MYLK2: variants seen among roughly 807,000 people sequenced by gnomAD.
MYLK2 encodes myosin light chain kinase 2, skeletal/cardiac muscle.
In MYLK2, 27 loss-of-function variants were observed where a neutral mutation model predicts 58.2. That is an observed-to-expected ratio of 0.46 (90% CI 0.34 to 0.64). The LOEUF (loss-of-function observed/expected upper bound fraction) is 0.64. MYLK2 is among the 30% of genes least tolerant of loss of function. MYLK2 has a pLI of 0.01. For synonymous variants in MYLK2, 310 were observed against 296.7 expected (o/e 1.04, Z -0.46); for missense variants, 676 against 764.3 (o/e 0.88, Z 1.36).
Position 31,831,110 on chromosome 20 carries a change from A to G in MYLK2, c.1393A>G (p.Met465Val). Residue 465 changes from methionine (M) to valine (V), a missense_variant, in exon 10 of 13, where the codon ATG becomes GTG. Around this residue, in one of 2 missense-constraint regions of MYLK2, gnomAD observed 370 missense variants for 467.8 expected, o/e 0.79. Coordinates refer to ENST00000375985, the MANE Select transcript of MYLK2 (RefSeq NM_033118.4). ...NYDQISDKTD[M>V]WSMGVITYML... is the part of the protein sequence containing the mutation. ...TGACCAAATCTCCGATAAGACAGAC[A>G]TGTGGAGTATGGGGGTGATCACCTA... The G allele has an allele frequency of 4.3e-6, 7 of 1,614,014 alleles. No homozygotes were observed. Among genetic ancestry groups the G allele is most frequent in the South Asian group, 1.1e-5 (1 of 91,072 alleles).
At chr20:31,825,705 G>A (rs1197346900) in intron 6 of MYLK2, among the ~76,000 whole-genome samples, 8 of 152,084 alleles carry the variant, frequency 5.3e-5, no homozygotes. Context: ...CTGAATGAAG[G>A]GGTGGGTAAA....
At chr20:31,829,615 G>A (rs1216453654) in intron 8 of MYLK2, among the ~76,000 whole-genome samples, 1 of 152,212 alleles carries the variant, frequency 6.6e-6, no homozygotes, top group East Asian at 1.9e-4. Context: ...ATCAGGGGGT[G>A]GTGGCGACCA....
At chr20:31,828,380 A>G in intron 8 of MYLK2, 6 of 985,394 alleles carry the variant, frequency 6.1e-6, no homozygotes, top group Non-Finnish European at 7.2e-6. Context: ...GTGAGCACCC[A>G]TCAGCAAAGT....
chr20:31,828,749 G>A (rs991295350), intron 8 of MYLK2: 20 of 983,234 alleles, frequency 2.0e-5, no homozygotes, highest in Non-Finnish European at 2.4e-5. Flanking sequence ...CTGAGTGAGG[G>A]TGCCATCTTC....
Position 31,821,444 on chromosome 20 carries a change from A to G in MYLK2, c.479A>G (p.Glu160Gly), listed in dbSNP as rs771585721. 2 of 1,613,410 alleles carry G rather than the reference A, an allele frequency of 1.2e-6. No homozygotes were observed. The highest frequency in any genetic ancestry group is 2.2e-5 in the South Asian group (2 of 91,074). ...TCTGTGTTCTCACCTTCTAGTTCTG[A>G]GAAGCTGCTGGCCAAGAAGCCCCCA... ...PSCPAIISSS[E>G]KLLAKKPPSE... The change falls in exon 4 of 13, where the codon GAG becomes GGG. Residue 160 changes from glutamate to glycine, a missense_variant. Physicochemically the swap from Glu to Gly is moderately conservative, Grantham distance 98. This residue lies in a region of MYLK2 where 306 missense variants were observed against 296.5 expected (regional missense o/e 1.03). Transcript: ENST00000375985.
chr20:31,824,796 G>C (rs1306538027), intron 6 of MYLK2, among the ~76,000 whole-genome samples: 4 of 152,218 alleles, frequency 2.6e-5, no homozygotes, highest in Non-Finnish European at 5.9e-5. Flanking sequence ...GAGGCCACGA[G>C]CAGTGTTTGT....
At position 31,820,131 on chromosome 20, in the gene MYLK2, G is replaced by C. The variant is rs1162572034; in HGVS notation, c.58G>C (p.Ala20Pro). The change falls in exon 3 of 13, where the codon GCA becomes CCA. Residue 20 changes from alanine to proline, a missense_variant. Transcript: ENST00000375985. ...LGIQNPSTDK[A>P]PKGPTGERPL... is the part of the protein sequence containing the mutation. The stretch of plus-strand genomic sequence containing the variant: ...GTGTCTCACCTCCTCTGCAGACAAG[G>C]CACCTAAAGGTCCCACAGGTGAAAG... The C allele has an allele frequency of 6.2e-7, 1 of 1,613,620 alleles. No individual in the cohort carries two copies. The highest frequency in any genetic ancestry group is 8.5e-7 in the Non-Finnish European group (1 of 1,180,024).
intron 10 of MYLK2, 111 bp from the exon 11 acceptor site, chr20:31,831,592 T>C: frequency 7.6e-7 from 1 of 1,318,980 alleles, no homozygotes; most frequent in South Asian, 1.2e-5. Context: ...CTGGGGGTCT[T>C]TTCAGCACAC....
rs903685181 is a variant in MYLK2 at position 31,819,418 on chromosome 20, C to G, written c.-59C>G. On this transcript the variant is annotated 5_prime_UTR_variant, in exon 1 of 13. Coordinates refer to ENST00000375985, the MANE Select transcript of MYLK2 (RefSeq NM_033118.4). ...GACAGACGGCAACCAGGTTGCCCCTCTTTGCTCCAGGTACCTCTCTCCCCT... is the reference window on the plus strand; with the variant it reads ...GACAGACGGCAACCAGGTTGCCCCTGTTTGCTCCAGGTACCTCTCTCCCCT... The G allele has an allele frequency of 5.2e-6, 5 of 967,438 alleles. No homozygotes were observed. The highest frequency in any genetic ancestry group is 5.4e-5 in the East Asian group (2 of 37,302). The allele number at this position is 967,438 out of a possible 1,614,324, so 59.9% of individuals were successfully genotyped here.
At chr20:31,831,225 G>C (rs1263632082) in intron 10 of MYLK2, 84 bp downstream of exon 10, 1 of 1,597,172 alleles carries the variant, frequency 6.3e-7, no homozygotes, top group Non-Finnish European at 8.6e-7. Flanking sequence ...CTAGGGTCTT[G>C]GTAAGGTGGT....
At chr20:31,826,981 C>T (rs1240959559) in intron 8 of MYLK2, 43 bp downstream of exon 8, 31 of 1,612,852 alleles carry the variant, frequency 1.9e-5, no homozygotes, top group East Asian at 4.5e-5. Context: ...GGGCAGCCTC[C>T]GACCCCCTGA....
At chr20:31,830,796 C>T (rs750310104) in intron 8 of MYLK2, 23 bp from the exon 9 acceptor site, 3 of 1,613,300 alleles carry the variant, frequency 1.9e-6, no homozygotes, top group South Asian at 1.1e-5. Context: ...GAGGCCCACC[C>T]AGGCCACCCC....
intron 9 of MYLK2, 36 bp from the exon 10 acceptor site, chr20:31,830,977 A>G (rs1324217854): frequency 1.2e-6 from 2 of 1,614,066 alleles, no homozygotes; most frequent in African/African-American, 1.3e-5. Flanking sequence ...GGTATAGGCC[A>G]GGAGCTGTGC....
chr20:31,832,699 G>C (rs2062313124), intron 12 of MYLK2, among the ~76,000 whole-genome samples: 1 of 152,016 alleles, frequency 6.6e-6, no homozygotes, highest in Non-Finnish European at 1.5e-5. Flanking sequence ...CACCATGTTG[G>C]CCAGGCTGGT....
At chr20:31,822,294 T>C (rs1024153576) in intron 4 of MYLK2, among the ~76,000 whole-genome samples, 2 of 152,058 alleles carry the variant, frequency 1.3e-5, no homozygotes, top group Non-Finnish European at 2.9e-5. Context: ...CAACACAAAC[T>C]CCCTGGGCAA....
intron 2 of MYLK2, 35 bp downstream of exon 2, chr20:31,819,667 T>C (rs1372913511): frequency 5.8e-6 from 9 of 1,550,584 alleles, no homozygotes; most frequent in Non-Finnish European, 7.8e-6. Flanking sequence ...AGGGAGGAGC[T>C]TGGGAAGGGG....
At chr20:31,830,558 C>T (rs1196896553) in intron 8 of MYLK2, among the ~76,000 whole-genome samples, 1 of 152,218 alleles carries the variant, frequency 6.6e-6, no homozygotes, top group Non-Finnish European at 1.5e-5. Flanking sequence ...CGTGTTCTTT[C>T]ATGGCCTTAG....
Position 31,826,593 on chromosome 20 carries a change from C to G in MYLK2, c.973-12C>G, listed in dbSNP as rs756375200. ...GTGCCCAGCTGGTACCCTTGACTTC[C>G]CTGGTCCCCAGGAAATGGTGTTGCT... On this transcript the variant is annotated splice_polypyrimidine_tract_variant and intron_variant, in intron 6 of 12. Coordinates refer to ENST00000375985, the MANE Select transcript of MYLK2 (RefSeq NM_033118.4). The G allele has an allele frequency of 3.1e-6, 5 of 1,613,872 alleles. No individual in the cohort carries two copies. The South Asian group carries it at 5.5e-5, about 18-fold the overall frequency.
intron 6 of MYLK2, chr20:31,824,694 G>GGAGACCACACCCACT: frequency 1.9e-6 from 1 of 518,790 alleles, no homozygotes; most frequent in Non-Finnish European, 2.5e-6. Flanking sequence ...TGAAGTGGGT[G>GGAGACCACACCCACT]TGGTCTCCAC....
Sources: allele counts gnomAD v4.1 joint callset (sites outside exome capture counted in the v4.1 genomes callset), GRCh38; gene constraint gnomAD v4.1.1; regional missense constraint gnomAD v4.1.1; transcripts MANE v1.5; gene names NCBI Gene and HGNC (gene_info 2026-07-23, HGNC 2026-07-21).